ADGRL3: variants seen among roughly 807,000 people sequenced by gnomAD.
ADGRL3 encodes the protein calcium-independent alpha-latrotoxin receptor 3.
ADGRL3 carries 62 observed loss-of-function variants against 153.5 expected under a neutral mutation model. The ratio of observed to expected loss-of-function variants is 0.40; its 90% CI spans 0.33 to 0.50. ADGRL3 has a LOEUF of 0.50. ADGRL3 is among the 20% of genes least tolerant of loss of function. ADGRL3 has a pLI of 0.47. For missense variants in ADGRL3, 1,641 were observed against 1,859.4 expected (o/e 0.88, Z 2.16); for synonymous variants, 710 against 672.5 (o/e 1.06, Z -0.86).
At chr4:61,746,944 A>C (rs1460162707) in intron 8 of ADGRL3, among the ~76,000 whole-genome samples, 4 of 152,308 alleles carry the variant, frequency 2.6e-5, no homozygotes, top group South Asian at 2.1e-4. Context: ...GGATCAACAA[A>C]ATTGATAGAC....
At chr4:61,587,559 A>G in intron 5 of ADGRL3, 119 bp downstream of exon 5, 3 of 723,540 alleles carry the variant, frequency 4.1e-6, no homozygotes, top group African/African-American at 1.8e-5. Flanking sequence ...ACTTCAAAAT[A>G]GTTTTTCCAT....
At chr4:61,753,356 G>A (rs2096780930) in intron 8 of ADGRL3, among the ~76,000 whole-genome samples, 1 of 152,148 alleles carries the variant, frequency 6.6e-6, no homozygotes, top group Non-Finnish European at 1.5e-5. Flanking sequence ...TTTAGATGAT[G>A]GCATGAGAAT....
intron 8 of ADGRL3, among the ~76,000 whole-genome samples, chr4:61,774,220 G>A (rs947896217): frequency 2.0e-5 from 3 of 151,702 alleles, no homozygotes; most frequent in Admixed American, 6.6e-5. Context: ...AGCAGGGCAC[G>A]GTGGCAGGTA....
At chr4:61,717,222 G>A (rs1463660973) in intron 6 of ADGRL3, among the ~76,000 whole-genome samples, 1 of 35,652 alleles carries the variant, frequency 2.8e-5, no homozygotes, top group Non-Finnish European at 4.4e-5. Context: ...GTGTGTGTGC[G>A]TGTGTGTGTG....
chr4:61,812,355 C>T (rs1286667485), intron 8 of ADGRL3, among the ~76,000 whole-genome samples: 1 of 152,142 alleles, frequency 6.6e-6, no homozygotes, highest in Non-Finnish European at 1.5e-5. Flanking sequence ...CTACTATCAA[C>T]AGGGAGCCAT....
intron 9 of ADGRL3, among the ~76,000 whole-genome samples, chr4:61,849,260 A>G (rs2098172671): frequency 6.6e-6 from 1 of 152,128 alleles, no homozygotes; most frequent in East Asian, 1.9e-4. Flanking sequence ...GACTCTTACT[A>G]CTCTTTGTAA....
intron 8 of ADGRL3, among the ~76,000 whole-genome samples, chr4:61,756,720 A>G (rs2096836300): frequency 6.6e-6 from 1 of 152,148 alleles, no homozygotes; most frequent in African/African-American, 2.4e-5. Flanking sequence ...GAATGCTTCC[A>G]GTTTTTGCCC....
intron 6 of ADGRL3, among the ~76,000 whole-genome samples, chr4:61,714,755 C>T (rs569199561): frequency 7.9e-5 from 12 of 152,226 alleles, no homozygotes; most frequent in Non-Finnish European, 1.0e-4. Flanking sequence ...GTTCTTCTTG[C>T]CAATAGCAAC....
chr4:61,882,918 A>G (rs1185916592), intron 9 of ADGRL3, among the ~76,000 whole-genome samples: 1 of 152,146 alleles, frequency 6.6e-6, no homozygotes, highest in East Asian at 1.9e-4. Context: ...CAGCCTGACC[A>G]ACATGGTGAA....
chr4:61,757,736 C>T (rs1300921899), intron 8 of ADGRL3, among the ~76,000 whole-genome samples: 1 of 152,096 alleles, frequency 6.6e-6, no homozygotes, highest in Non-Finnish European at 1.5e-5. Flanking sequence ...TAGATCTTTC[C>T]TGCTTTCTCT....
intron 6 of ADGRL3, among the ~76,000 whole-genome samples, chr4:61,729,635 T>C (rs1384465014): frequency 1.3e-5 from 2 of 151,948 alleles, no homozygotes; most frequent in African/African-American, 4.8e-5. Context: ...AACTCGTTCT[T>C]CCCTGACATT....
intron 17 of ADGRL3, among the ~76,000 whole-genome samples, chr4:61,952,433 T>C (rs969189575): frequency 2.0e-5 from 3 of 151,466 alleles, no homozygotes; most frequent in Admixed American, 6.6e-5. Context: ...GAGCTGTGAT[T>C]GTGCCACTGC....
At chr4:62,064,265 AC>A (rs1404383874) in intron 25 of ADGRL3, among the ~76,000 whole-genome samples, 1 of 151,952 alleles carries the variant, frequency 6.6e-6, no homozygotes, top group Non-Finnish European at 1.5e-5. Context: ...TATGTTAAAA[AC>A]AAGGCTTTTG....
At chr4:61,765,538 A>G (rs943090851) in intron 8 of ADGRL3, among the ~76,000 whole-genome samples, 2 of 152,196 alleles carry the variant, frequency 1.3e-5, no homozygotes, top group Admixed American at 6.5e-5. Flanking sequence ...TTCACTGAAT[A>G]CTAAGAGCCT....
chr4:61,606,768 C>A (rs1193700636), intron 5 of ADGRL3, among the ~76,000 whole-genome samples: 1 of 152,040 alleles, frequency 6.6e-6, no homozygotes, highest in South Asian at 2.1e-4. Context: ...AAAATAAATT[C>A]TTGCATTAGG....
intron 19 of ADGRL3, among the ~76,000 whole-genome samples, chr4:61,988,868 G>A (rs1560472995): frequency 6.6e-6 from 1 of 152,096 alleles, no homozygotes; most frequent in Non-Finnish European, 1.5e-5. Flanking sequence ...ATGAAGTCAT[G>A]AACATTTATA....
intron 1 of ADGRL3, among the ~76,000 whole-genome samples, chr4:61,333,787 T>C (rs2095621565): frequency 6.6e-6 from 1 of 152,006 alleles, no homozygotes. Context: ...TATTAATGTA[T>C]TTATTTTTTG....
chr4:62,031,151 C>A (rs1318230348), intron 22 of ADGRL3, among the ~76,000 whole-genome samples: 1 of 151,566 alleles, frequency 6.6e-6, no homozygotes, highest in African/African-American at 2.4e-5. Context: ...CATAATTACA[C>A]CTCATGCCAT....
intron 6 of ADGRL3, among the ~76,000 whole-genome samples, chr4:61,701,483 G>A (rs2095758480): frequency 7.3e-6 from 1 of 136,580 alleles, no homozygotes; most frequent in South Asian, 2.3e-4. Flanking sequence ...TACCCAGGCT[G>A]GAGTGCAATG....
Sources: allele counts gnomAD v4.1 joint callset (sites outside exome capture counted in the v4.1 genomes callset), GRCh38; gene constraint gnomAD v4.1.1; transcripts MANE v1.5; gene names NCBI Gene and HGNC (gene_info 2026-07-23, HGNC 2026-07-21).